CCND3: variants seen among roughly 807,000 people sequenced by gnomAD.
CCND3 encodes cyclin D3.
In CCND3, 9 loss-of-function variants were observed where a neutral mutation model predicts 28.7. The observed-to-expected ratio is 0.31, with a 90% CI of 0.19 to 0.55. The LOEUF is 0.55. CCND3 is among the 20% of genes least tolerant of loss of function. The pLI, the probability that CCND3 is intolerant of heterozygous loss-of-function variation, is 0.93. For missense variants in CCND3, 315 were observed against 385.8 expected (o/e 0.82, Z 1.54); for synonymous variants, 164 against 163.9 (o/e 1.00, Z 0.00).
intron 1 of CCND3, among the ~76,000 whole-genome samples, chr6:42,016,419 A>G (rs1220177665): frequency 6.6e-6 from 1 of 152,110 alleles, no homozygotes; most frequent in East Asian, 1.9e-4. Flanking sequence ...TGATAATTCA[A>G]GTTTACTAAT....
intron 1 of CCND3, among the ~76,000 whole-genome samples, chr6:42,001,816 T>C (rs1183559545): frequency 6.6e-6 from 1 of 152,086 alleles, no homozygotes; most frequent in Non-Finnish European, 1.5e-5. Flanking sequence ...AATGTTTACA[T>C]TTGTCAAAAT....
At chr6:42,034,795 A>T (rs189404250) in intron 1 of CCND3, among the ~76,000 whole-genome samples, 179 of 152,196 alleles carry the variant, frequency 1.2e-3, no homozygotes, top group Admixed American at 1.6e-3. Context: ...TCTCTTAAAC[A>T]AATTTTTTTT....
chr6:42,020,988 G>A (rs1040275611), intron 1 of CCND3, among the ~76,000 whole-genome samples: 4 of 152,208 alleles, frequency 2.6e-5, no homozygotes, highest in African/African-American at 9.6e-5. Context: ...TTGACCTCAG[G>A]TGATCCGCGT....
intron 1 of CCND3, among the ~76,000 whole-genome samples, chr6:41,997,525 T>C (rs1762844855): frequency 6.6e-6 from 1 of 152,100 alleles, no homozygotes; most frequent in South Asian, 2.1e-4. Flanking sequence ...AATGGCCTCT[T>C]CCTCATTTAA....
chr6:42,009,620 A>AAAAAAC (rs113007450), intron 1 of CCND3, among the ~76,000 whole-genome samples: 223 of 150,506 alleles, frequency 1.5e-3, no homozygotes, highest in African/African-American at 5.1e-3. Flanking sequence ...TTCAAAACAA[A>AAAAAAC]AAAACAAAAC....
chr6:42,005,156 T>C (rs1424016771), intron 1 of CCND3, among the ~76,000 whole-genome samples: 1 of 152,146 alleles, frequency 6.6e-6, no homozygotes, highest in Non-Finnish European at 1.5e-5. Context: ...TTGCTCAAAA[T>C]ATAAGCAAAC....
intron 1 of CCND3, among the ~76,000 whole-genome samples, chr6:41,992,072 G>A (rs1338661089): frequency 6.6e-6 from 1 of 152,146 alleles, no homozygotes; most frequent in African/African-American, 2.4e-5. Flanking sequence ...TGGATGTCTC[G>A]TCAATATACT....
intron 1 of CCND3, among the ~76,000 whole-genome samples, chr6:41,999,116 G>A (rs1188469545): frequency 6.6e-6 from 1 of 152,184 alleles, no homozygotes; most frequent in Non-Finnish European, 1.5e-5. Flanking sequence ...AGTGGCCAAC[G>A]TAGGATGTAA....
chr6:42,044,219 C>T (rs1487550139), intron 1 of CCND3, among the ~76,000 whole-genome samples: 2 of 152,248 alleles, frequency 1.3e-5, no homozygotes, highest in Non-Finnish European at 2.9e-5. Context: ...CAGAAGAGCA[C>T]CTTTTACGGG....
chr6:42,026,611 A>G (rs1050354343), intron 1 of CCND3, among the ~76,000 whole-genome samples: 4 of 152,048 alleles, frequency 2.6e-5, no homozygotes, highest in African/African-American at 9.7e-5. Flanking sequence ...CATGGCAAAG[A>G]TTGCCAACTG....
At chr6:41,948,274 C>T (rs1164260760) in intron 1 of CCND3, among the ~76,000 whole-genome samples, 2 of 152,096 alleles carry the variant, frequency 1.3e-5, no homozygotes, top group African/African-American at 4.8e-5. Flanking sequence ...TCTACTCCCA[C>T]ACCACACCAC....
At chr6:41,989,903 G>A (rs942826425) in intron 1 of CCND3, among the ~76,000 whole-genome samples, 2 of 152,050 alleles carry the variant, frequency 1.3e-5, no homozygotes, top group African/African-American at 4.8e-5. Flanking sequence ...ATTCATAATT[G>A]TCAAAACTCT....
chr6:41,988,691 C>A (rs1762555318), intron 1 of CCND3, among the ~76,000 whole-genome samples: 1 of 45,924 alleles, frequency 2.2e-5, no homozygotes, highest in African/African-American at 5.8e-5. Context: ...ATAAGCTGAA[C>A]TTCTTTTCTT....
chr6:42,026,354 AG>A (rs1469740196), intron 1 of CCND3, among the ~76,000 whole-genome samples: 1 of 151,978 alleles, frequency 6.6e-6, no homozygotes, highest in African/African-American at 2.4e-5. Context: ...TGCTCCTGGA[AG>A]AAGGGCTCCA....
rs1562003898 is a variant in CCND3 at position 42,048,633 on chromosome 6, C to G, written c.-178G>C. The G allele has an allele frequency of 1.9e-6, 1 of 518,204 alleles. No individual in the cohort carries two copies. Among genetic ancestry groups the G allele is most frequent in the South Asian group, 1.4e-5 (1 of 71,416 alleles). The allele number at this position is 518,204 out of a possible 1,614,324, so 32.1% of individuals were successfully genotyped here. A position where few individuals can be genotyped will look rare whatever the true frequency, so the allele number is the denominator to read the frequency against. ...CGCGAGGAGAGGATTGCACCTCTCC[C>G]CCCCGGCCGGCATCCGAACAGAGCC... On this transcript the variant is annotated 5_prime_UTR_variant, in exon 1 of 5. Coordinates refer to the CCND3 transcript ENST00000372988. This position sits in a 1 kb window ranked among gnomAD's most constrained non-coding sequence, Gnocchi z 4.7.
intron 1 of CCND3, among the ~76,000 whole-genome samples, chr6:42,023,522 C>T (rs1763774396): frequency 6.6e-6 from 1 of 152,194 alleles, no homozygotes; most frequent in Non-Finnish European, 1.5e-5. Context: ...AGAAACCTAA[C>T]CCTGTATTTC....
chr6:41,971,181 G>A (rs768344533), intron 1 of CCND3, among the ~76,000 whole-genome samples: 19 of 152,178 alleles, frequency 1.2e-4, no homozygotes, highest in Non-Finnish European at 2.2e-4. Flanking sequence ...GCATCCCAAA[G>A]TGTTGGGATT....
At chr6:42,028,970 G>T (rs570342987) in intron 1 of CCND3, among the ~76,000 whole-genome samples, 1 of 118,626 alleles carries the variant, frequency 8.4e-6, no homozygotes, top group East Asian at 3.9e-4. Flanking sequence ...ACCTTGAAAC[G>T]GTTTTTTTTT....
chr6:42,036,433 A>G (rs180727395), intron 1 of CCND3, among the ~76,000 whole-genome samples: 1,921 of 75,020 alleles, frequency 0.026, 81 homozygotes, highest in African/African-American at 0.1. Context: ...TTTTTGACAC[A>G]GGGTCTCCCT....
Sources: gnomAD v4.1 joint callset for allele counts (sites outside exome capture counted in the v4.1 genomes callset) on GRCh38, gnomAD v4.1.1 for gene constraint, Gnocchi (gnomAD v3.1) non-coding constraint, MANE v1.5 for transcripts, NCBI Gene and HGNC (gene_info 2026-07-23, HGNC 2026-07-21) for gene names.